Variants in LAMA2 observed in about 807,000 individuals in gnomAD.
The protein encoded by LAMA2 is laminin subunit alpha 2.
LAMA2 carries 269 observed loss-of-function variants against 364.8 expected under a neutral mutation model. That is an observed-to-expected ratio of 0.74 (90% CI 0.67 to 0.82). LAMA2 has a LOEUF of 0.82. Ranked by LOEUF, LAMA2 falls within the 40% of genes least tolerant of loss-of-function variation. LAMA2 has a pLI of 0.00. For synonymous variants in LAMA2, 1,379 were observed against 1,370.6 expected (o/e 1.01, Z -0.14); for missense variants, 3,807 against 3,873.2 (o/e 0.98, Z 0.45).
At chr6:129,169,322 T>G (rs1183427023) in intron 9 of LAMA2, among the ~76,000 whole-genome samples, 1 of 149,948 alleles carries the variant, frequency 6.7e-6, no homozygotes, top group Non-Finnish European at 1.5e-5. Flanking sequence ...TCTTAATATT[T>G]TGAATTACGT....
chr6:129,114,491 A>G (rs1776345575), intron 4 of LAMA2, among the ~76,000 whole-genome samples: 1 of 152,098 alleles, frequency 6.6e-6, no homozygotes, highest in Admixed American at 6.6e-5. Context: ...GGAAAACTAC[A>G]AAAAGGATGT....
intron 1 of LAMA2, among the ~76,000 whole-genome samples, chr6:128,947,299 C>T (rs113316902): frequency 2.0e-5 from 3 of 152,136 alleles, no homozygotes; most frequent in South Asian, 2.1e-4. Flanking sequence ...GAGGCTTTAA[C>T]GTTTTCCGTT....
chr6:129,469,903 A>G (rs1305871773), intron 51 of LAMA2, among the ~76,000 whole-genome samples: 1 of 151,940 alleles, frequency 6.6e-6, no homozygotes, highest in East Asian at 1.9e-4. Context: ...AAACTAATCT[A>G]TAGTCACAGA....
chr6:129,404,102 A>G, intron 40 of LAMA2, 143 bp downstream of exon 40: 1 of 871,620 alleles, frequency 1.1e-6, no homozygotes, highest in Non-Finnish European at 1.8e-6. Flanking sequence ...TTTGCCTAAA[A>G]TAAATTCTCG....
At chr6:129,484,091 T>G (rs1423900609) in intron 55 of LAMA2, among the ~76,000 whole-genome samples, 1 of 152,138 alleles carries the variant, frequency 6.6e-6, no homozygotes, top group African/African-American at 2.4e-5. Context: ...AGATTATGAG[T>G]GGAACTGCAT....
At chr6:129,161,202 G>A (rs1418195589) in intron 8 of LAMA2, among the ~76,000 whole-genome samples, 3 of 151,556 alleles carry the variant, frequency 2.0e-5, no homozygotes, top group South Asian at 2.1e-4. Context: ...TATTAACATT[G>A]CCACAGCAGT....
At chr6:129,201,207 G>T (rs1211123361) in intron 12 of LAMA2, among the ~76,000 whole-genome samples, 3 of 152,186 alleles carry the variant, frequency 2.0e-5, no homozygotes, top group Non-Finnish European at 2.9e-5. Context: ...AGTCTCCAGG[G>T]TGAAGTGCAT....
intron 1 of LAMA2, among the ~76,000 whole-genome samples, chr6:128,889,512 TA>T (rs1283389998): frequency 1.3e-5 from 2 of 152,060 alleles, no homozygotes; most frequent in African/African-American, 4.8e-5. Context: ...ACAAAAAAGG[TA>T]AAAAAATTGG....
intron 11 of LAMA2, 66 bp from the exon 12 acceptor site, chr6:129,192,614 A>C (rs1411259084): frequency 6.8e-7 from 1 of 1,480,238 alleles, no homozygotes; most frequent in Non-Finnish European, 9.4e-7. Flanking sequence ...GACCAGGAAC[A>C]TGAAAGAGAA....
At chr6:129,482,239 C>G (rs867592104) in intron 55 of LAMA2, among the ~76,000 whole-genome samples, 8 of 152,230 alleles carry the variant, frequency 5.3e-5, no homozygotes, top group South Asian at 2.1e-4. Context: ...CACACTCTAG[C>G]CTGGATGACA....
At chr6:129,341,180 A>T (rs1392536025) in intron 29 of LAMA2, among the ~76,000 whole-genome samples, 3 of 152,324 alleles carry the variant, frequency 2.0e-5, no homozygotes, top group African/African-American at 7.2e-5. Context: ...ATTAGAAGAC[A>T]CATGAAACAT....
chr6:129,191,976 C>T (rs60562061), intron 11 of LAMA2, among the ~76,000 whole-genome samples: 4,311 of 152,260 alleles, frequency 0.028, 196 homozygotes, highest in African/African-American at 0.098. Flanking sequence ...ATTATGCATT[C>T]CCAGATTCCT....
intron 1 of LAMA2, among the ~76,000 whole-genome samples, chr6:128,959,260 T>C (rs1313209807): frequency 6.6e-6 from 1 of 152,208 alleles, no homozygotes; most frequent in Non-Finnish European, 1.5e-5. Context: ...TTTGTTATTA[T>C]TTGTGTTTCA....
At chr6:129,104,391 G>A (rs980841649) in intron 4 of LAMA2, among the ~76,000 whole-genome samples, 2 of 152,186 alleles carry the variant, frequency 1.3e-5, no homozygotes, top group African/African-American at 4.8e-5. Flanking sequence ...AGACAACAAT[G>A]TTCATGTTTT....
At chr6:129,115,949 C>T (rs1485454161) in intron 4 of LAMA2, among the ~76,000 whole-genome samples, 4 of 152,100 alleles carry the variant, frequency 2.6e-5, no homozygotes, top group African/African-American at 9.7e-5. Flanking sequence ...ACAATTTCTT[C>T]TTTTCCTGAC....
intron 3 of LAMA2, 122 bp from the exon 4 acceptor site, chr6:129,098,051 A>T: frequency 3.6e-6 from 4 of 1,124,524 alleles, no homozygotes; most frequent in Non-Finnish European, 5.3e-6. Flanking sequence ...TTCAGAGAAC[A>T]TTATAAGATT....
chr6:129,297,835 T>C lies in LAMA2; in HGVS notation c.3007T>C (p.Tyr1003His), dbSNP rs776431512. ...GAAATGTGACCGCTGTGCCCACGGC[T>C]ATTTCAACTTCCAAGAAGGAGGCTG... Reference protein sequence around the residue: ...GKKCDRCAHGYFNFQEGGCTA... With the variant: ...GKKCDRCAHGHFNFQEGGCTA... The change falls in exon 21 of 65, where the codon TAT becomes CAT. Residue 1003 changes from tyrosine (Y) to histidine (H), a missense_variant. Transcript: ENST00000421865. The C allele has an allele frequency of 1.2e-6, 2 of 1,613,950 alleles. No individual in the cohort carries two copies. Among genetic ancestry groups the C allele is most frequent in the Non-Finnish European group, 1.7e-6 (2 of 1,179,916 alleles).
At position 129,456,134 on chromosome 6, in the gene LAMA2, T is replaced by A. The variant is rs73777420; in HGVS notation, c.6708-201T>A. On this transcript the variant is annotated intron_variant, in intron 47 of 64. Coordinates refer to ENST00000421865, the MANE Select transcript of LAMA2 (RefSeq NM_000426.4). ...GTTCTGGTTGAAACTGATGTAAGTG[T>A]TGAGCCAAGATCAGACTCTGAGTAT... Among the ~76,000 whole-genome samples, 2,060 of 152,212 alleles carry A rather than the reference T, an allele frequency of 0.014. 54 individuals are homozygous for A. Among genetic ancestry groups the A allele is most frequent in the African/African-American group, 0.047 (1,957 of 41,538 alleles).
chr6:128,911,345 C>A (rs980101840), intron 1 of LAMA2, among the ~76,000 whole-genome samples: 3 of 152,138 alleles, frequency 2.0e-5, no homozygotes, highest in Non-Finnish European at 4.4e-5. Flanking sequence ...CGTGGTTCGC[C>A]GTTTTTTAAG....
Sources: gnomAD v4.1 joint callset for allele counts (sites outside exome capture counted in the v4.1 genomes callset) on GRCh38, gnomAD v4.1.1 for gene constraint, MANE v1.5 for transcripts, NCBI Gene and HGNC (gene_info 2026-07-23, HGNC 2026-07-21) for gene names.